The following TMC5 variants were observed in gnomAD, a reference collection of about 807,000 sequenced individuals.
TMC5 encodes transmembrane channel like 5.
Under a neutral mutation model 110.5 loss-of-function variants are expected in TMC5, and 86 were observed. The ratio of observed to expected loss-of-function variants is 0.78; its 90% CI spans 0.65 to 0.93. TMC5 has a LOEUF of 0.93. TMC5 is among the 40% of genes least tolerant of loss of function. TMC5 has a pLI of 0.00. For missense variants in TMC5, 1,144 were observed against 1,222.8 expected (o/e 0.94, Z 0.96); for synonymous variants, 455 against 439.5 (o/e 1.04, Z -0.44).
chr16:19,455,894 C>A (rs1194936116), intron 5 of TMC5, among the ~76,000 whole-genome samples: 2 of 152,126 alleles, frequency 1.3e-5, no homozygotes, highest in African/African-American at 4.8e-5. Context: ...TTTCTACAGG[C>A]AGATAAAACT....
At chr16:19,493,362 C>G (rs1448312665) in intron 19 of TMC5, among the ~76,000 whole-genome samples, 3 of 152,024 alleles carry the variant, frequency 2.0e-5, no homozygotes, top group Admixed American at 2.0e-4. Context: ...TACATTTCCC[C>G]AACTGTCCCC....
At chr16:19,422,672 A>C (rs184834600) in intron 1 of TMC5, among the ~76,000 whole-genome samples, 1 of 152,186 alleles carries the variant, frequency 6.6e-6, no homozygotes, top group Admixed American at 6.5e-5. Flanking sequence ...AAAAAAATTT[A>C]AAAATAGGCC....
At chr16:19,488,946 G>A (rs745808165) in intron 17 of TMC5, among the ~76,000 whole-genome samples, 9 of 152,148 alleles carry the variant, frequency 5.9e-5, no homozygotes, top group Non-Finnish European at 1.3e-4. Context: ...GAACAAGGGA[G>A]ATGATTTTTA....
intron 1 of TMC5, among the ~76,000 whole-genome samples, chr16:19,412,738 A>G (rs12934669): frequency 0.52 from 79,685 of 152,146 alleles, 22,541 homozygotes; most frequent in South Asian, 0.72. Context: ...TAGGTGCTCA[A>G]TCAACATTAG....
rs182023644 is a variant in TMC5 at position 19,455,011 on chromosome 16, T to A, written c.1049-5224T>A. On this transcript the variant is annotated intron_variant, in intron 5 of 21. Coordinates refer to ENST00000542583, the MANE Select transcript of TMC5 (RefSeq NM_001261841.2). The stretch of plus-strand genomic sequence containing the variant: ...AAATAGCTGGGCATGGTGGTGCCCC[T>A]GTGGTCCCAGATACTCAGGAGGCTG... Among the ~76,000 whole-genome samples, 378 of 151,978 alleles carry A rather than the reference T, an allele frequency of 2.5e-3. 2 individuals are homozygous for A. The highest frequency in any genetic ancestry group is 8.9e-3 in the African/African-American group (368 of 41,466).
At position 19,465,737 on chromosome 16, in the gene TMC5, G is replaced by A. The variant is rs576265897; in HGVS notation, c.1486-345G>A. Among the ~76,000 whole-genome samples the A allele has an allele frequency of 1.1e-3, 166 of 152,146 alleles. 1 individual carries two copies. Among genetic ancestry groups the A allele is most frequent in the Middle Eastern group, 0.01 (3 of 294 alleles). On this transcript the variant is annotated intron_variant, in intron 8 of 21. Transcript: ENST00000542583. Reference sequence around the variant, plus strand: ...AAATGTAGGCCTATAGGCTTGATTCGTTTCCTATTAAGCATGTTTAGCCAT... The same window carrying A: ...AAATGTAGGCCTATAGGCTTGATTCATTTCCTATTAAGCATGTTTAGCCAT...
At chr16:19,457,258 A>G (rs1967901823) in intron 5 of TMC5, among the ~76,000 whole-genome samples, 1 of 152,140 alleles carries the variant, frequency 6.6e-6, no homozygotes, top group African/African-American at 2.4e-5. Flanking sequence ...ACCAGGCATG[A>G]TGGTGCACAC....
upstream of TMC5, among the ~76,000 whole-genome samples, chr16:19,415,081 A>G (rs9926386): frequency 0.065 from 9,844 of 152,250 alleles, 1,079 homozygotes; most frequent in African/African-American, 0.22. Flanking sequence ...ATCTATCTCC[A>G]GCCACCCAGT....
At chr16:19,497,003 C>G in intron 20 of TMC5, 118 bp from the exon 21 acceptor site, 2 of 942,266 alleles carry the variant, frequency 2.1e-6, no homozygotes, top group Non-Finnish European at 3.3e-6. Flanking sequence ...GCCTTAATCT[C>G]TCATCCCTTA....
intron 10 of TMC5, among the ~76,000 whole-genome samples, 181 bp from the exon 11 acceptor site, chr16:19,471,907 T>C (rs1316305287): frequency 6.6e-6 from 1 of 152,122 alleles, no homozygotes; most frequent in Non-Finnish European, 1.5e-5. Flanking sequence ...ATTACAGGCA[T>C]GCACCACCAC....
intron 15 of TMC5, among the ~76,000 whole-genome samples, chr16:19,483,823 C>T (rs555098844): frequency 2.6e-4 from 39 of 149,872 alleles, no homozygotes; most frequent in African/African-American, 8.4e-4. Flanking sequence ...CGGTGGCTCA[C>T]GCCTGTAATC....
intron 1 of TMC5, among the ~76,000 whole-genome samples, chr16:19,418,722 TTTGTG>T: frequency 8.6e-6 from 1 of 116,236 alleles, no homozygotes. Context: ...ATAAGTGATT[TTTGTG>T]TTTTTTTTTT....
At chr16:19,447,502 C>T (rs956661802) in intron 4 of TMC5, among the ~76,000 whole-genome samples, 18 of 152,166 alleles carry the variant, frequency 1.2e-4, no homozygotes, top group South Asian at 6.2e-4. Flanking sequence ...TTAATATGTT[C>T]GAGGATTATT....
intron 19 of TMC5, 196 bp downstream of exon 19, chr16:19,492,424 T>G: frequency 2.5e-6 from 1 of 400,618 alleles, no homozygotes; most frequent in Non-Finnish European, 4.4e-6. Flanking sequence ...ATTCTTAGTA[T>G]TTATTTATTT....
chr16:19,490,460 G>C lies in TMC5; in HGVS notation c.2639G>C (p.Ser880Thr). 1 of 1,614,124 alleles carries C rather than the reference G, an allele frequency of 6.2e-7. No homozygotes were observed. The highest frequency in any genetic ancestry group is 8.5e-7 in the Non-Finnish European group (1 of 1,180,032). The change falls in exon 18 of 22, where the codon AGC (serine) becomes ACC (threonine). Residue 880 changes from serine to threonine, a missense_variant. Ser to Thr is a moderately conservative substitution (Grantham distance 58). Coordinates refer to ENST00000542583, the MANE Select transcript of TMC5 (RefSeq NM_001261841.2). ...CCTCTCTTCATTCACTCCATCTACAGCTGGATCGACACCCTAAGTACACGG... is the reference window on the plus strand; with the variant it reads ...CCTCTCTTCATTCACTCCATCTACACCTGGATCGACACCCTAAGTACACGG... ...GLPLFIHSIY[S>T]WIDTLSTRPG...
chr16:19,452,169 T>C (rs1270322549), intron 5 of TMC5, among the ~76,000 whole-genome samples: 1 of 152,206 alleles, frequency 6.6e-6, no homozygotes, highest in Non-Finnish European at 1.5e-5. Context: ...GTTAATTTGC[T>C]GGAGCAGCTC....
intron 2 of TMC5, among the ~76,000 whole-genome samples, chr16:19,437,591 A>G (rs1597168893): frequency 6.6e-6 from 1 of 152,210 alleles, no homozygotes; most frequent in Admixed American, 6.5e-5. Flanking sequence ...TTACATAGAG[A>G]TAAACTTGTA....
chr16:19,456,162 G>A (rs889928583), intron 5 of TMC5, among the ~76,000 whole-genome samples: 10 of 151,514 alleles, frequency 6.6e-5, no homozygotes, highest in Admixed American at 1.3e-4. Flanking sequence ...AGCTGAGATC[G>A]CGCCACTGCA....
chr16:19,427,355 G>C (rs1008494013), intron 1 of TMC5, among the ~76,000 whole-genome samples: 1 of 152,182 alleles, frequency 6.6e-6, no homozygotes, highest in African/African-American at 2.4e-5. Flanking sequence ...AAGAGGCTGA[G>C]ACGCAGGAAT....
Sources: gnomAD v4.1 joint callset for allele counts (sites outside exome capture counted in the v4.1 genomes callset) on GRCh38, gnomAD v4.1.1 for gene constraint, MANE v1.5 for transcripts, NCBI Gene and HGNC (gene_info 2026-07-23, HGNC 2026-07-21) for gene names.